Variants in DNAI7 observed in about 807,000 individuals in gnomAD.
DNAI7 encodes the protein cancer susceptibility 1.
Under a neutral mutation model 86.6 loss-of-function variants are expected in DNAI7, and 78 were observed. That is an observed-to-expected ratio of 0.90 (90% CI 0.75 to 1.09). The LOEUF (loss-of-function observed/expected upper bound fraction) is 1.09. DNAI7 is among the 50% of genes least tolerant of loss of function. The pLI is 0.00. For missense variants in DNAI7, 753 were observed against 810.2 expected (o/e 0.93, Z 0.86); for synonymous variants, 274 against 273.0 (o/e 1.00, Z -0.04).
chr12:25,188,457 T>A (rs534261105), intron 2 of DNAI7, among the ~76,000 whole-genome samples: 3 of 152,296 alleles, frequency 2.0e-5, no homozygotes, highest in African/African-American at 7.2e-5. Flanking sequence ...AAGAAAACTT[T>A]AAAAAACCAG....
At chr12:25,138,081 T>C (rs556921502) in intron 9 of DNAI7, among the ~76,000 whole-genome samples, 4 of 152,012 alleles carry the variant, frequency 2.6e-5, no homozygotes, top group Admixed American at 2.0e-4. Flanking sequence ...ACTCAACCAC[T>C]GCAGAATATA....
chr12:25,181,972 A>C (rs930878651), intron 2 of DNAI7, among the ~76,000 whole-genome samples: 1 of 152,230 alleles, frequency 6.6e-6, no homozygotes, highest in African/African-American at 2.4e-5. Context: ...AAAGAATTTA[A>C]AATAAACCTA....
intron 4 of DNAI7, among the ~76,000 whole-genome samples, chr12:25,156,262 T>C (rs1306913232): frequency 2.6e-5 from 4 of 152,204 alleles, no homozygotes; most frequent in East Asian, 1.9e-4. Context: ...AATACTGTCT[T>C]GAGAAATATC....
intron 13 of DNAI7, among the ~76,000 whole-genome samples, chr12:25,113,365 A>C (rs947145129): frequency 2.6e-5 from 4 of 151,788 alleles, no homozygotes; most frequent in Non-Finnish European, 5.9e-5. Context: ...GCAGTGGCAC[A>C]ATCTTGGCTC....
intron 2 of DNAI7, among the ~76,000 whole-genome samples, chr12:25,173,472 G>C (rs149914323): frequency 1.3e-5 from 2 of 152,046 alleles, no homozygotes; most frequent in Non-Finnish European, 2.9e-5. Flanking sequence ...CATGGATATG[G>C]TGAACAGGAA....
intron 1 of DNAI7, among the ~76,000 whole-genome samples, chr12:25,191,172 G>A (rs192409430): frequency 1.3e-5 from 2 of 152,240 alleles, no homozygotes; most frequent in East Asian, 1.9e-4. Context: ...TAGCATTCGC[G>A]GAGGCCAAGG....
At chr12:25,170,676 C>T (rs1244907904) in intron 2 of DNAI7, among the ~76,000 whole-genome samples, 1 of 152,160 alleles carries the variant, frequency 6.6e-6, no homozygotes, top group Non-Finnish European at 1.5e-5. Context: ...GCAGAATACA[C>T]ATTCTATTCA....
chr12:25,165,797 C>T (rs144643383), intron 2 of DNAI7, among the ~76,000 whole-genome samples: 18,483 of 152,152 alleles, frequency 0.12, 1,404 homozygotes, highest in Admixed American at 0.16. Flanking sequence ...GAGGTATTGA[C>T]GGCCAGGCTT....
At chr12:25,194,655 A>G (rs1950871811) in intron 1 of DNAI7, among the ~76,000 whole-genome samples, 1 of 152,240 alleles carries the variant, frequency 6.6e-6, no homozygotes, top group African/African-American at 2.4e-5. Flanking sequence ...AAAAGACGAC[A>G]TAAAATATTT....
chr12:25,158,790 A>G (rs1946511260), intron 3 of DNAI7: 1 of 786,122 alleles, frequency 1.3e-6, no homozygotes, highest in Admixed American at 3.4e-5. Context: ...GGATATGAAC[A>G]GACACTTCTC....
At chr12:25,145,003 T>C (rs1201042027) in intron 8 of DNAI7, among the ~76,000 whole-genome samples, 1 of 152,208 alleles carries the variant, frequency 6.6e-6, no homozygotes. Context: ...TCCCTCAACA[T>C]ACACTCTCTG....
At chr12:25,152,749 A>C (rs961478535) in intron 6 of DNAI7, among the ~76,000 whole-genome samples, 1 of 152,190 alleles carries the variant, frequency 6.6e-6, no homozygotes, top group African/African-American at 2.4e-5. Flanking sequence ...GGGGGTCTGC[A>C]CTAGCTCTAA....
intron 7 of DNAI7, among the ~76,000 whole-genome samples, chr12:25,148,877 C>T (rs1047733083): frequency 7.2e-5 from 11 of 152,160 alleles, no homozygotes; most frequent in African/African-American, 1.9e-4. Context: ...TTTCACTTTT[C>T]CTGCCCCAGA....
At chr12:25,173,656 GT>G (rs1389182476) in intron 2 of DNAI7, among the ~76,000 whole-genome samples, 1 of 151,854 alleles carries the variant, frequency 6.6e-6, no homozygotes, top group Non-Finnish European at 1.5e-5. Flanking sequence ...GCACACACAT[GT>G]TTATAGCAGC....
At chr12:25,157,118 T>C (rs567119981) in intron 4 of DNAI7, among the ~76,000 whole-genome samples, 4 of 151,494 alleles carry the variant, frequency 2.6e-5, no homozygotes, top group African/African-American at 9.7e-5. Flanking sequence ...CTACTAAAAA[T>C]ACAAAAAACA....
intron 6 of DNAI7, among the ~76,000 whole-genome samples, chr12:25,151,577 T>C (rs1009414167): frequency 1.3e-5 from 2 of 152,220 alleles, no homozygotes; most frequent in African/African-American, 4.8e-5. Context: ...TGGTGAACTC[T>C]AGTACTACTT....
intron 12 of DNAI7, among the ~76,000 whole-genome samples, chr12:25,117,743 C>T (rs528328087): frequency 6.6e-6 from 1 of 152,114 alleles, no homozygotes; most frequent in South Asian, 2.1e-4. Flanking sequence ...AAAAGGTATA[C>T]AAGTGGCTAG....
At chr12:25,182,627 C>CACACACAA (rs1565834388) in intron 2 of DNAI7, among the ~76,000 whole-genome samples, 1 of 151,508 alleles carries the variant, frequency 6.6e-6, no homozygotes, top group African/African-American at 2.4e-5. Context: ...CACACACACA[C>CACACACAA]ACACACACAC....
At chr12:25,152,178 G>T (rs1945631781) in intron 6 of DNAI7, among the ~76,000 whole-genome samples, 1 of 152,186 alleles carries the variant, frequency 6.6e-6, no homozygotes, top group Non-Finnish European at 1.5e-5. Context: ...AACAGCTTTT[G>T]TTATTTATAA....
Sources: gnomAD v4.1 joint callset for allele counts (sites outside exome capture counted in the v4.1 genomes callset) on GRCh38, gnomAD v4.1.1 for gene constraint, MANE v1.5 for transcripts, NCBI Gene and HGNC (gene_info 2026-07-23, HGNC 2026-07-21) for gene names.